Variants in PCDH7 observed in about 807,000 individuals in gnomAD.
The protein encoded by PCDH7 is protocadherin-7.
A neutral mutation model predicts 58.9 loss-of-function variants in PCDH7; 17 were observed. That is an observed-to-expected ratio of 0.29 (90% CI 0.20 to 0.43). The LOEUF (loss-of-function observed/expected upper bound fraction) is 0.43. PCDH7 is among the 20% of genes least tolerant of loss of function. The pLI, the probability that PCDH7 is intolerant of heterozygous loss-of-function variation, is 1.00. For synonymous variants in PCDH7, 664 were observed against 616.4 expected (o/e 1.08, Z -1.14); for missense variants, 1,274 against 1,441.0 (o/e 0.88, Z 1.88).
chr4:31,072,826 G>A (rs74720617), intron 3 of PCDH7, among the ~76,000 whole-genome samples: 1 of 152,118 alleles, frequency 6.6e-6, no homozygotes, highest in Non-Finnish European at 1.5e-5. Flanking sequence ...AAATCAATGG[G>A]TGAGTGTAAC....
chr4:31,121,334 G>A (rs543111690), intron 3 of PCDH7, among the ~76,000 whole-genome samples: 1 of 152,168 alleles, frequency 6.6e-6, no homozygotes, highest in Admixed American at 6.6e-5. Flanking sequence ...AGGAAGGAAG[G>A]AAGTGTAAGA....
At chr4:31,062,700 C>T (rs1757782719) in intron 3 of PCDH7, among the ~76,000 whole-genome samples, 2 of 151,772 alleles carry the variant, frequency 1.3e-5, no homozygotes, top group Non-Finnish European at 2.9e-5. Flanking sequence ...TTTTCAGGGT[C>T]ATTTTGTCAA....
intron 1 of PCDH7, among the ~76,000 whole-genome samples, chr4:30,831,634 G>T (rs1270987039): frequency 6.6e-6 from 1 of 152,058 alleles, no homozygotes; most frequent in Non-Finnish European, 1.5e-5. Context: ...TCTACTCATT[G>T]TATACACCCT....
intron 1 of PCDH7, among the ~76,000 whole-genome samples, chr4:30,845,325 G>T (rs969724239): frequency 6.6e-6 from 1 of 152,160 alleles, no homozygotes; most frequent in African/African-American, 2.4e-5. Flanking sequence ...ATGTTAGTGT[G>T]AGATGTTTAT....
chr4:30,921,790 G>T (rs1439065660), intron 2 of PCDH7, among the ~76,000 whole-genome samples: 2 of 151,268 alleles, frequency 1.3e-5, no homozygotes, highest in African/African-American at 4.8e-5. Flanking sequence ...CAATGCTGAT[G>T]AATATATATT....
At chr4:30,815,452 C>G (rs1727553232) in intron 1 of PCDH7, among the ~76,000 whole-genome samples, 1 of 152,196 alleles carries the variant, frequency 6.6e-6, no homozygotes, top group South Asian at 2.1e-4. Context: ...CTCCATCCGA[C>G]CCAACCCTTG....
chr4:30,771,482 C>T lies in PCDH7; in HGVS notation c.70+46886C>T, dbSNP rs112818765. Reference sequence around the variant, plus strand: ...AGGATCTTAGCATTCAATAGGCACTCGTGGGGGCTGGGGGTTAGAAGTTGG... The same window carrying T: ...AGGATCTTAGCATTCAATAGGCACTTGTGGGGGCTGGGGGTTAGAAGTTGG... On this transcript the variant is annotated intron_variant, in intron 1 of 3. Transcript: ENST00000509759. Among the ~76,000 whole-genome samples, 18 of 152,250 alleles carry T rather than the reference C, an allele frequency of 1.2e-4. 1 individual carries two copies. Among genetic ancestry groups the T allele is most frequent in the African/African-American group, 3.4e-4 (14 of 41,560 alleles).
At chr4:30,758,372 A>C (rs1443940703) in intron 1 of PCDH7, among the ~76,000 whole-genome samples, 1 of 152,206 alleles carries the variant, frequency 6.6e-6, no homozygotes, top group Admixed American at 6.5e-5. Flanking sequence ...TATGTTGTGC[A>C]TGGTTTTACC....
At chr4:30,798,040 A>T (rs1445170913) in intron 1 of PCDH7, among the ~76,000 whole-genome samples, 1 of 152,216 alleles carries the variant, frequency 6.6e-6, no homozygotes, top group African/African-American at 2.4e-5. Context: ...GTTGTTACCA[A>T]GATAAATGTG....
downstream of PCDH7, chr4:31,145,535 C>A (rs533707003): frequency 6.6e-6 from 1 of 151,926 alleles, no homozygotes; most frequent in Non-Finnish European, 1.5e-5. Context: ...CCTGTTGTTA[C>A]GGTAAAAAAA....
intron 1 of PCDH7, chr4:30,730,621 C>A: frequency 1.7e-6 from 1 of 604,474 alleles, no homozygotes; most frequent in Non-Finnish European, 2.9e-6. Context: ...TTTACAAACA[C>A]AAAGTTGGCA....
chr4:31,012,952 G>A lies in PCDH7; in HGVS notation c.*7+62737G>A, dbSNP rs189590548. 1.7e-3 allele frequency among the ~76,000 whole-genome samples: 258 copies of A among 150,406 alleles called. 10 individuals carry two copies. Among genetic ancestry groups the A allele is most frequent in the Non-Finnish European group, 2.9e-3 (199 of 67,692 alleles). On this transcript the variant is annotated intron_variant, in intron 3 of 3. Coordinates refer to the PCDH7 transcript ENST00000509759. The stretch of plus-strand genomic sequence containing the variant: ...TTGAGTTCAGGAGTTTGAGGCTGTA[G>A]TGAGCTATGAAATGATCTCACCACT...
At chr4:30,986,913 G>A (rs951350191) in intron 3 of PCDH7, among the ~76,000 whole-genome samples, 10 of 151,776 alleles carry the variant, frequency 6.6e-5, no homozygotes, top group African/African-American at 1.5e-4. Context: ...CCTGGGAGGC[G>A]GAGGTTGCAG....
chr4:30,823,026 A>G (rs139994844), intron 1 of PCDH7, among the ~76,000 whole-genome samples: 1 of 152,330 alleles, frequency 6.6e-6, no homozygotes, highest in African/African-American at 2.4e-5. Context: ...TTGACAATAC[A>G]GGCATCACCA....
intron 1 of PCDH7, among the ~76,000 whole-genome samples, chr4:30,784,321 G>A (rs545168746): frequency 6.6e-6 from 1 of 152,270 alleles, no homozygotes; most frequent in East Asian, 1.9e-4. Flanking sequence ...GGTGAGAAAA[G>A]TACCTATTTC....
chr4:31,112,017 C>A lies in PCDH7; in HGVS notation c.*8-30456C>A, dbSNP rs547200234. On this transcript the variant is annotated intron_variant, in intron 3 of 3. Transcript: ENST00000509759. ...AGTCAGCATTTAAAACCATGATTGG[C>A]AAATAATAAGCATTCTATAAATGTG... is the stretch of plus-strand genomic sequence containing the variant. Among the ~76,000 whole-genome samples, 10 of 152,208 alleles carry A rather than the reference C, an allele frequency of 6.6e-5. No individual in the cohort carries two copies. In the South Asian group the frequency reaches 2.1e-3, roughly 32 times the overall value.
intron 3 of PCDH7, among the ~76,000 whole-genome samples, chr4:31,118,523 G>A (rs1464095426): frequency 2.6e-5 from 4 of 151,874 alleles, no homozygotes; most frequent in African/African-American, 4.8e-5. Flanking sequence ...AACATGTTTA[G>A]TGTCAGTAAC....
intron 3 of PCDH7, among the ~76,000 whole-genome samples, chr4:31,120,116 T>C (rs1473316005): frequency 2.6e-5 from 4 of 152,096 alleles, no homozygotes; most frequent in African/African-American, 9.7e-5. Flanking sequence ...TCTGACTAGC[T>C]ACCCGCTGTA....
intron 2 of PCDH7, among the ~76,000 whole-genome samples, chr4:30,930,558 A>G (rs1744442754): frequency 6.6e-6 from 1 of 152,226 alleles, no homozygotes; most frequent in Admixed American, 6.5e-5. Context: ...ACGTTATCCA[A>G]ACAGAATGTT....
Sources: gnomAD v4.1 joint callset for allele counts (sites outside exome capture counted in the v4.1 genomes callset) on GRCh38, gnomAD v4.1.1 for gene constraint, MANE v1.5 for transcripts, NCBI Gene and HGNC (gene_info 2026-07-23, HGNC 2026-07-21) for gene names.